The following FXR1 variants were observed in gnomAD, a reference collection of about 807,000 sequenced individuals.
FXR1 encodes the protein FMR1 autosomal homolog 1.
In FXR1, 15 loss-of-function variants were observed where a neutral mutation model predicts 84.0. The ratio of observed to expected loss-of-function variants is 0.18; its 90% CI spans 0.12 to 0.27. The LOEUF is 0.27. FXR1 is among the 10% of genes least tolerant of loss of function. The pLI is 1.00. For missense variants in FXR1, 480 were observed against 774.4 expected (o/e 0.62, Z 4.51); for synonymous variants, 245 against 250.7 (o/e 0.98, Z 0.21).
chr3:180,941,567 T>G (rs1206552230), intron 3 of FXR1, among the ~76,000 whole-genome samples: 28 of 152,212 alleles, frequency 1.8e-4, no homozygotes, highest in Admixed American at 1.8e-3. Flanking sequence ...TTTTGGCCAG[T>G]CTGAAGTTTT....
intron 1 of FXR1, among the ~76,000 whole-genome samples, chr3:180,921,636 T>G (rs1204574686): frequency 1.3e-5 from 2 of 151,972 alleles, no homozygotes; most frequent in Non-Finnish European, 2.9e-5. Context: ...TCTTATAAGT[T>G]TATATCTTAT....
intron 3 of FXR1, among the ~76,000 whole-genome samples, chr3:180,937,732 G>A (rs1720686493): frequency 6.6e-6 from 1 of 152,058 alleles, no homozygotes; most frequent in Non-Finnish European, 1.5e-5. Context: ...TACGTAGAGT[G>A]TTTAGAAATT....
intron 8 of FXR1, 57 bp downstream of exon 8, chr3:180,951,525 T>G: frequency 1.6e-6 from 2 of 1,220,250 alleles, no homozygotes; most frequent in Non-Finnish European, 2.3e-6. Flanking sequence ...ATTGTTTGAT[T>G]ATATTTTTAT....
chr3:180,955,390 C>T (rs996871554), intron 9 of FXR1, among the ~76,000 whole-genome samples: 2 of 151,914 alleles, frequency 1.3e-5, no homozygotes, highest in Non-Finnish European at 2.9e-5. Flanking sequence ...CTTGGTATAC[C>T]GTTGTTCACT....
At chr3:180,948,927 T>C (rs1721949959) in intron 6 of FXR1, 113 bp downstream of exon 6, 2 of 664,664 alleles carry the variant, frequency 3.0e-6, no homozygotes, top group Non-Finnish European at 5.4e-6. Flanking sequence ...GTGAATTTAT[T>C]AATATAGTGT....
rs1204320289 is a variant in FXR1 at position 180,935,233 on chromosome 3, T to C, written c.198+2T>C. 2.5e-6 allele frequency: 3 copies of C among 1,199,906 alleles called. No individual in the cohort carries two copies. Among genetic ancestry groups the C allele is most frequent in the Non-Finnish European group, 3.7e-6 (3 of 808,812 alleles). The allele number at this position is 1,199,906 out of a possible 1,614,324, so 74.3% of individuals were successfully genotyped here. On this transcript the variant is annotated splice_donor_variant, in intron 3 of 16. Coordinates refer to ENST00000357559, the MANE Select transcript of FXR1 (RefSeq NM_005087.4). LOFTEE classifies it high-confidence loss of function. ...ATTAGTGAAGGAGATGAAGTAGAGG[T>C]ATGTATTTTTAAGTTTATTTTCTTG...
At chr3:180,916,363 AT>A (rs1717894180) in intron 1 of FXR1, among the ~76,000 whole-genome samples, 1 of 152,170 alleles carries the variant, frequency 6.6e-6, no homozygotes, top group Non-Finnish European at 1.5e-5. Flanking sequence ...TAGCATTGCA[AT>A]TTGTATGGCC....
intron 1 of FXR1, among the ~76,000 whole-genome samples, chr3:180,921,910 A>G (rs1718640981): frequency 6.6e-6 from 1 of 152,166 alleles, no homozygotes; most frequent in Non-Finnish European, 1.5e-5. Flanking sequence ...TTTGTAGCAC[A>G]TATACGTGGT....
At chr3:180,943,993 C>T (rs1396119128) in intron 3 of FXR1, among the ~76,000 whole-genome samples, 3 of 151,934 alleles carry the variant, frequency 2.0e-5, no homozygotes, top group Non-Finnish European at 1.5e-5. Context: ...CTCAGCTCAC[C>T]GCAGCCTCCG....
rs910297271 is a variant in FXR1, at chr3:180,964,464, TGA to T, written c.1198+1378_1198+1379del. 2.6e-5 allele frequency among the ~76,000 whole-genome samples: 4 copies of T among 152,192 alleles called. 1 individual carries two copies. The highest frequency in any genetic ancestry group is 9.6e-5 in the African/African-American group (4 of 41,518). ...CTTTTGTTGAGAGTAGATAATTATG[TGA>T]GAGGTAGAGAAACATCTGGATTCAA... On this transcript the variant is annotated intron_variant, in intron 13 of 16. Transcript: ENST00000357559.
rs1207341611 is a variant in FXR1, at chr3:180,979,784, CA to C, written c.*3494del. On this transcript the variant is annotated 3_prime_UTR_variant, in exon 17 of 17. Coordinates refer to ENST00000357559, the MANE Select transcript of FXR1 (RefSeq NM_005087.4). The stretch of plus-strand genomic sequence containing the variant: ...CACTTTTGTAAGGCTCAAAAATGAT[CA>C]ACTATTAACAGTTTCTTATGGTTCA... 1 of 151,976 alleles carries C rather than the reference CA, an allele frequency of 6.6e-6. No individual in the cohort carries two copies. The highest frequency in any genetic ancestry group is 1.5e-5 in the Non-Finnish European group (1 of 67,922). 9.4% of individuals were successfully genotyped at this position (151,976 alleles called of 1,614,324 possible).
chr3:180,928,706 T>G (rs576621099), intron 1 of FXR1, among the ~76,000 whole-genome samples: 2 of 152,282 alleles, frequency 1.3e-5, no homozygotes, highest in East Asian at 3.9e-4. Context: ...TATAAAATTT[T>G]TATTTTACAG....
chr3:180,981,525 C>T lies in FXR1; in HGVS notation c.*5233C>T, dbSNP rs1301821177. ...TTATACAGCACCTTAGGACTCATTT[C>T]TAATGTCAACCCAGATGGCCAGTAA... is the stretch of plus-strand genomic sequence containing the variant. On this transcript the variant is annotated 3_prime_UTR_variant, in exon 17 of 17. Coordinates refer to ENST00000357559, the MANE Select transcript of FXR1 (RefSeq NM_005087.4). The T allele has an allele frequency of 6.6e-6, 1 of 152,020 alleles. No homozygotes were observed. The highest frequency in any genetic ancestry group is 1.9e-4 in the East Asian group (1 of 5,182). The allele number at this position is 152,020 out of a possible 1,614,324, so 9.4% of individuals were successfully genotyped here.
chr3:180,961,703 A>G, intron 11 of FXR1, 149 bp downstream of exon 11: 1 of 490,552 alleles, frequency 2.0e-6, no homozygotes, highest in Non-Finnish European at 3.6e-6. Context: ...TTGTTAATTC[A>G]GCTTCAGATT....
chr3:180,932,058 AT>A (rs1313477847), intron 1 of FXR1, among the ~76,000 whole-genome samples: 4 of 62,110 alleles, frequency 6.4e-5, no homozygotes, highest in African/African-American at 2.6e-4. Flanking sequence ...CCCTTCTTCC[AT>A]TTACTTTGTA....
Position 180,970,383 on chromosome 3 carries a change from A to AATAAATATATATAT in FXR1, c.1603+28_1603+29insAATATATATATATA, listed in dbSNP as rs1713379006. 8.2e-6 allele frequency: 3 copies of AATAAATATATATAT among 366,380 alleles called. No individual in the cohort carries two copies. In the African/African-American group the frequency reaches 9.1e-5, roughly 11 times the overall value. The allele number at this position is 366,380 out of a possible 1,614,324, so 22.7% of individuals were successfully genotyped here. On this transcript the variant is annotated intron_variant, in intron 15 of 16. Coordinates refer to ENST00000357559, the MANE Select transcript of FXR1 (RefSeq NM_005087.4). ...GGTATGTAAGCACTTAGGGAAGAGAAATATATATATATATATATATATATA... is the reference window on the plus strand; with the variant it reads ...GGTATGTAAGCACTTAGGGAAGAGAAATAAATATATATATATATATATATATATATATATATATA...
chr3:180,962,873 T>C lies in FXR1; in HGVS notation c.1078-10T>C. The C allele has an allele frequency of 1.9e-6, 3 of 1,584,808 alleles. No individual in the cohort carries two copies. Among genetic ancestry groups the C allele is most frequent in the Non-Finnish European group, 2.6e-6 (3 of 1,156,124 alleles). Reference sequence around the variant, plus strand: ...ATAAGAAGACTTACTCTTTTTTGTTTTGATTGTAGGAAGTAGAACAGCTAA... The same window carrying C: ...ATAAGAAGACTTACTCTTTTTTGTTCTGATTGTAGGAAGTAGAACAGCTAA... On this transcript the variant is annotated splice_polypyrimidine_tract_variant and intron_variant, in intron 11 of 16. Transcript: ENST00000357559.
At chr3:180,940,650 C>G (rs1314069625) in intron 3 of FXR1, among the ~76,000 whole-genome samples, 2 of 150,686 alleles carry the variant, frequency 1.3e-5, no homozygotes, top group African/African-American at 4.9e-5. Flanking sequence ...CATCTCGGCT[C>G]AGCGCAACCT....
chr3:180,955,489 A>G (rs1722662024), intron 9 of FXR1, among the ~76,000 whole-genome samples: 1 of 152,198 alleles, frequency 6.6e-6, no homozygotes, highest in African/African-American at 2.4e-5. Flanking sequence ...AAATATAGGT[A>G]GGGTGCACAA....
Sources: gnomAD v4.1 joint callset for allele counts (sites outside exome capture counted in the v4.1 genomes callset) on GRCh38, gnomAD v4.1.1 for gene constraint, MANE v1.5 for transcripts, NCBI Gene and HGNC (gene_info 2026-07-23, HGNC 2026-07-21) for gene names.